DLC1: variants seen among roughly 807,000 people sequenced by gnomAD.
The protein encoded by DLC1 is DLC1 Rho GTPase activating protein, also known as rho GTPase-activating protein 7.
A neutral mutation model predicts 140.3 loss-of-function variants in DLC1; 54 were observed. The ratio of observed to expected loss-of-function variants is 0.38; its 90% CI spans 0.31 to 0.48. DLC1 has a LOEUF of 0.48. Among genes scored for constraint, DLC1 ranks in the 20% least tolerant of loss-of-function variants. The pLI is 0.96. For missense variants in DLC1, 2,536 were observed against 1,907.0 expected (o/e 1.33, Z -6.14); for synonymous variants, 986 against 728.1 (o/e 1.35, Z -5.70).
At chr8:13,316,156 GTGA>G (rs1188520784) in intron 4 of DLC1, among the ~76,000 whole-genome samples, 5 of 152,274 alleles carry the variant, frequency 3.3e-5, no homozygotes, top group Non-Finnish European at 7.4e-5. Context: ...ATTTCTGCTG[GTGA>G]TGGAAGTGTC....
chr8:13,466,725 C>T (rs1799960501), intron 2 of DLC1, among the ~76,000 whole-genome samples: 1 of 152,214 alleles, frequency 6.6e-6, no homozygotes, highest in Non-Finnish European at 1.5e-5. Flanking sequence ...TCTTTCCTAA[C>T]TGATCTTCCT....
intron 5 of DLC1, chr8:13,133,303 T>G (rs1585729227): frequency 1.6e-6 from 2 of 1,238,116 alleles, no homozygotes. Context: ...TCCCGCGCGC[T>G]CCGCCAGCCG....
intron 5 of DLC1, among the ~76,000 whole-genome samples, chr8:13,244,737 A>T (rs1829688863): frequency 6.6e-6 from 1 of 152,074 alleles, no homozygotes; most frequent in Non-Finnish European, 1.5e-5. Flanking sequence ...ACCTTTCCTG[A>T]ATCTCCTGGC....
intron 1 of DLC1, among the ~76,000 whole-genome samples, chr8:13,507,454 T>A (rs1258165180): frequency 6.6e-6 from 1 of 152,230 alleles, no homozygotes; most frequent in Non-Finnish European, 1.5e-5. Flanking sequence ...AATATTCATG[T>A]TATCTAATCT....
intron 3 of DLC1, among the ~76,000 whole-genome samples, chr8:13,396,514 T>C (rs1837051242): frequency 6.6e-6 from 1 of 152,182 alleles, no homozygotes; most frequent in South Asian, 2.1e-4. Flanking sequence ...ACAACCATTA[T>C]CTGCTTCAAT....
At chr8:13,170,497 A>C (rs536976327) in intron 5 of DLC1, among the ~76,000 whole-genome samples, 2 of 152,258 alleles carry the variant, frequency 1.3e-5, no homozygotes, top group South Asian at 4.1e-4. Flanking sequence ...TTGCGGGGCC[A>C]AGGTGGGCGG....
chr8:13,532,193 C>T (rs1803121227), intron 1 of DLC1, among the ~76,000 whole-genome samples: 1 of 152,080 alleles, frequency 6.6e-6, no homozygotes, highest in Admixed American at 6.6e-5. Context: ...TAGCTTGAGC[C>T]CAGGACGTTG....
intron 4 of DLC1, among the ~76,000 whole-genome samples, chr8:13,362,771 G>C (rs1835292971): frequency 6.6e-6 from 1 of 152,148 alleles, no homozygotes; most frequent in African/African-American, 2.4e-5. Flanking sequence ...CGTTCTCTAA[G>C]CATTCTACTG....
chr8:13,241,234 T>G (rs1319053164), intron 5 of DLC1, among the ~76,000 whole-genome samples: 1 of 152,216 alleles, frequency 6.6e-6, no homozygotes, highest in Non-Finnish European at 1.5e-5. Flanking sequence ...TAAAAGTAGA[T>G]GCTTAGAAAG....
At chr8:13,257,256 T>G (rs1830270693) in intron 5 of DLC1, among the ~76,000 whole-genome samples, 1 of 149,710 alleles carries the variant, frequency 6.7e-6, no homozygotes, top group African/African-American at 2.5e-5. Context: ...GGCAACATAA[T>G]GAGACCCTGT....
In DLC1 at chr8:13,321,547, A is replaced by AG. The variant is rs1407218891; in HGVS notation, c.1315-16246_1315-16245insC. On this transcript the variant is annotated intron_variant, in intron 4 of 17. Coordinates refer to ENST00000276297, the MANE Select transcript of DLC1 (RefSeq NM_182643.3). Reference sequence around the variant, plus strand: ...GAGAGACTCAGTCTCAAAAAAGAAAAAAAAAAAAAAAAAAAAAAAGAAACC... The same window carrying AG: ...GAGAGACTCAGTCTCAAAAAAGAAAAGAAAAAAAAAAAAAAAAAAAGAAACC... Among the ~76,000 whole-genome samples the AG allele has an allele frequency of 3.9e-3, 575 of 147,182 alleles. 2 individuals are homozygous for AG. Among genetic ancestry groups the AG allele is most frequent in the African/African-American group, 0.013 (503 of 39,900 alleles).
chr8:13,368,303 C>T (rs7834479), intron 4 of DLC1, among the ~76,000 whole-genome samples: 20,557 of 151,728 alleles, frequency 0.14, 1,564 homozygotes, highest in South Asian at 0.19. Context: ...CAAATTCATA[C>T]GTTCCTTTCT....
At chr8:13,159,395 G>A (rs74912532) in intron 5 of DLC1, among the ~76,000 whole-genome samples, 3,546 of 152,270 alleles carry the variant, frequency 0.023, 138 homozygotes, top group African/African-American at 0.08. Flanking sequence ...ACTCCAGGGC[G>A]CTGCACTTTA....
chr8:13,207,199 AT>A (rs1471782124), intron 5 of DLC1, among the ~76,000 whole-genome samples: 1 of 152,176 alleles, frequency 6.6e-6, no homozygotes, highest in Non-Finnish European at 1.5e-5. Flanking sequence ...CAAATTAATA[AT>A]TGCACTTGTG....
chr8:13,101,694 C>A (rs1400904713), intron 8 of DLC1, among the ~76,000 whole-genome samples: 1 of 152,182 alleles, frequency 6.6e-6, no homozygotes, highest in Non-Finnish European at 1.5e-5. Context: ...CAGGCCACAG[C>A]TGACCTGTGA....
At chr8:13,529,543 T>C (rs1803030603) in intron 1 of DLC1, among the ~76,000 whole-genome samples, 1 of 152,174 alleles carries the variant, frequency 6.6e-6, no homozygotes, top group African/African-American at 2.4e-5. Context: ...CTATTCAACA[T>C]GACTCATATT....
chr8:13,396,306 G>T (rs1173257552), intron 3 of DLC1, among the ~76,000 whole-genome samples: 1 of 152,046 alleles, frequency 6.6e-6, no homozygotes, highest in East Asian at 1.9e-4. Flanking sequence ...TGATCCGTCC[G>T]TCTCAGCCTC....
intron 1 of DLC1, among the ~76,000 whole-genome samples, chr8:13,551,075 CTTTTTTTTTTTTT>C (rs1803832387): frequency 8.2e-6 from 1 of 121,718 alleles, no homozygotes. Flanking sequence ...CACACACACA[CTTTTTTTTTTTTT>C]CCAAAGAACA....
At chr8:13,393,896 A>G (rs907277929) in intron 3 of DLC1, among the ~76,000 whole-genome samples, 7 of 152,204 alleles carry the variant, frequency 4.6e-5, no homozygotes, top group Non-Finnish European at 1.0e-4. Flanking sequence ...GGGTCTGCAA[A>G]TACTTGAGAA....
Sources: allele counts gnomAD v4.1 joint callset (sites outside exome capture counted in the v4.1 genomes callset), GRCh38; gene constraint gnomAD v4.1.1; transcripts MANE v1.5; gene names NCBI Gene and HGNC (gene_info 2026-07-23, HGNC 2026-07-21).